Variants in POLR3B observed in about 807,000 individuals in gnomAD.
The protein encoded by POLR3B is RNA polymerase III subunit B, also known as DNA-directed RNA polymerase III subunit RPC2.
POLR3B carries 96 observed loss-of-function variants against 147.4 expected under a neutral mutation model. That is an observed-to-expected ratio of 0.65 (90% CI 0.55 to 0.77). POLR3B has a LOEUF of 0.77. Ranked by LOEUF, POLR3B falls within the 30% of genes least tolerant of loss-of-function variation. The probability of loss-of-function intolerance (pLI) is 0.00; values close to 1 mark genes in which losing one functional copy is unlikely to be tolerated. For synonymous variants in POLR3B, 461 were observed against 485.9 expected, an observed-to-expected ratio of 0.95 and a Z score of 0.67; for missense variants, 1,036 against 1,413.5, an observed-to-expected ratio of 0.73 and a Z score of 4.28.
chr12:106,395,127 G>A (rs1030463854), intron 10 of POLR3B, among the ~76,000 whole-genome samples: 2 of 152,106 alleles, frequency 1.3e-5, no homozygotes, highest in African/African-American at 4.8e-5. Context: ...AGCTGCTTGG[G>A]AGGCTGAGGC....
chr12:106,376,324 A>T, intron 6 of POLR3B, 35 bp from the exon 7 acceptor site: 1 of 1,403,080 alleles, frequency 7.1e-7, no homozygotes, highest in Non-Finnish European at 1.0e-6. Context: ...TTGACAGCCT[A>T]CATGTGATAT....
intron 23 of POLR3B, among the ~76,000 whole-genome samples, chr12:106,486,332 G>T (rs1323114411): frequency 2.0e-5 from 3 of 150,072 alleles, no homozygotes; most frequent in Admixed American, 1.3e-4. Flanking sequence ...GGAGATTGAG[G>T]TTCAGGGGAG....
chr12:106,459,212 A>T, intron 21 of POLR3B, 39 bp from the exon 22 acceptor site: 1 of 1,096,114 alleles, frequency 9.1e-7, no homozygotes, highest in Non-Finnish European at 1.4e-6. Flanking sequence ...TTCCACACAG[A>T]TGATAACGAT....
At chr12:106,462,531 T>C (rs900901104) in intron 22 of POLR3B, among the ~76,000 whole-genome samples, 4 of 152,164 alleles carry the variant, frequency 2.6e-5, no homozygotes, top group African/African-American at 9.6e-5. Flanking sequence ...TGAGCCACCG[T>C]GCCCGGCTGG....
In POLR3B at chr12:106,376,392, T is replaced by C; in HGVS notation, c.438T>C (p.Val146=). The part of the protein sequence containing the change: ...MPIMLRSSNC[V]LTGKTPAEFA... ...TAATGCTACGTAGTTCAAACTGTGT[T>C]CTTACAGGAAAAACGCCAGCAGAAT... The change falls in exon 7 of 28, where the codon GTT becomes GTC. Residue 146 remains valine (V), a synonymous_variant. Coordinates refer to ENST00000228347, the MANE Select transcript of POLR3B (RefSeq NM_018082.6). 2 of 1,613,376 alleles carry C rather than the reference T, an allele frequency of 1.2e-6. No individual in the cohort carries two copies. Among genetic ancestry groups the C allele is most frequent in the Middle Eastern group, 3.3e-4 (2 of 6,062 alleles).
rs1309676583 is a variant in POLR3B at position 106,432,494 on chromosome 12, A to G, written c.1627+14A>G. 6.2e-6 allele frequency: 10 copies of G among 1,604,002 alleles called. 2 individuals carry two copies. In the South Asian group the frequency reaches 1.1e-4, roughly 18 times the overall value. On this transcript the variant is annotated intron_variant, in intron 15 of 27. Transcript: ENST00000228347. ...TCTTTCTTAATGGTGGGTATATTAT[A>G]GAGACATGTTGGTCCTAGATAGTCT...
chr12:106,386,219 G>A (rs1466131962), intron 9 of POLR3B, among the ~76,000 whole-genome samples: 1 of 151,748 alleles, frequency 6.6e-6, no homozygotes, highest in South Asian at 2.1e-4. Flanking sequence ...GGTGGCTCAC[G>A]CCTGCCCCAG....
At chr12:106,465,156 T>G (rs2037988143) in intron 23 of POLR3B, among the ~76,000 whole-genome samples, 1 of 152,238 alleles carries the variant, frequency 6.6e-6, no homozygotes, top group Admixed American at 6.5e-5. Context: ...TCTTGACAGT[T>G]GCTGAGTCAA....
In POLR3B at chr12:106,504,183, A is replaced by G; in HGVS notation, c.3201A>G (p.Arg1067=). The G allele has an allele frequency of 6.2e-7, 1 of 1,614,072 alleles. No individual in the cohort carries two copies. The highest frequency in any genetic ancestry group is 2.2e-5 in the East Asian group (1 of 44,894). Residue 1067 remains arginine, a synonymous_variant, in exon 27 of 28, where the codon AGA becomes AGG. Transcript: ENST00000228347. This position sits in a 1 kb window ranked among gnomAD's most constrained non-coding sequence, Gnocchi z 4.6. ...GYGASMLLLE[R]LMISSDAFEV... The stretch of plus-strand genomic sequence containing the variant: ...GAGCCAGTATGCTTTTGCTAGAGAG[A>G]CTAATGATTTCAAGTGATGCCTTTG...
At chr12:106,485,399 G>A (rs927493641) in intron 23 of POLR3B, among the ~76,000 whole-genome samples, 1 of 152,074 alleles carries the variant, frequency 6.6e-6, no homozygotes, top group African/African-American at 2.4e-5. Flanking sequence ...AAGGAGTGAC[G>A]AGATCTAACT....
In POLR3B at chr12:106,504,028, CTT is replaced by C; in HGVS notation, c.3099-51_3099-50del. 1 of 1,543,998 alleles carries C rather than the reference CTT, an allele frequency of 6.5e-7. No individual in the cohort carries two copies. Among genetic ancestry groups the C allele is most frequent in the Non-Finnish European group, 9.0e-7 (1 of 1,115,942 alleles). On this transcript the variant is annotated intron_variant, in intron 26 of 27. Coordinates refer to ENST00000228347, the MANE Select transcript of POLR3B (RefSeq NM_018082.6). This position sits in a 1 kb window ranked among gnomAD's most constrained non-coding sequence, Gnocchi z 4.6. Reference sequence around the variant, plus strand: ...TCTCTGCCAGCATGTGATGCTACCTCTTTGTTTGTTTAACAGAATAATAACAC... The same window carrying C: ...TCTCTGCCAGCATGTGATGCTACCTCTGTTTGTTTAACAGAATAATAACAC...
chr12:106,361,951 C>T (rs1002210124), intron 1 of POLR3B, among the ~76,000 whole-genome samples: 2 of 152,130 alleles, frequency 1.3e-5, no homozygotes, highest in African/African-American at 4.8e-5. Flanking sequence ...TGACCTCTGT[C>T]GAGCTCTTTC....
At chr12:106,398,646 A>G (rs1287999867) in intron 10 of POLR3B, among the ~76,000 whole-genome samples, 1 of 152,186 alleles carries the variant, frequency 6.6e-6, no homozygotes, top group Non-Finnish European at 1.5e-5. Flanking sequence ...TTCCAGAGGA[A>G]CGATCAGGCA....
intron 24 of POLR3B, 83 bp downstream of exon 24, chr12:106,496,241 C>T (rs768456910): frequency 1.9e-5 from 17 of 884,564 alleles, no homozygotes; most frequent in Non-Finnish European, 2.5e-5. Flanking sequence ...GTGGAGGTGA[C>T]GAGGACTCTG....
intron 26 of POLR3B, 32 bp downstream of exon 26, chr12:106,501,468 T>G: frequency 3.2e-6 from 4 of 1,249,636 alleles, no homozygotes; most frequent in Non-Finnish European, 4.7e-6. Context: ...AAAGAATTGA[T>G]AATGCAGTCA....
At chr12:106,409,408 C>G (rs1410047128) in intron 11 of POLR3B, among the ~76,000 whole-genome samples, 1 of 117,484 alleles carries the variant, frequency 8.5e-6, no homozygotes, top group East Asian at 2.3e-4. Flanking sequence ...TTTTAAAGAC[C>G]TTCTTATTGA....
intron 18 of POLR3B, 89 bp downstream of exon 18, chr12:106,437,868 CTT>C (rs926067015): frequency 2.6e-6 from 2 of 766,144 alleles, no homozygotes; most frequent in Middle Eastern, 3.3e-4. Flanking sequence ...GTCCTTCTAT[CTT>C]TTACTCTTTT....
chr12:106,494,930 TA>T (rs750507997), intron 23 of POLR3B, among the ~76,000 whole-genome samples: 5 of 152,214 alleles, frequency 3.3e-5, no homozygotes, highest in Non-Finnish European at 5.9e-5. Flanking sequence ...CTTTTGACTT[TA>T]GCTCCTGGTG....
chr12:106,397,082 A>G (rs1251230678), intron 10 of POLR3B, among the ~76,000 whole-genome samples: 1 of 151,436 alleles, frequency 6.6e-6, no homozygotes, highest in Non-Finnish European at 1.5e-5. Context: ...CTGACATCAC[A>G]CCACTGTACT....
Sources: allele counts gnomAD v4.1 joint callset (sites outside exome capture counted in the v4.1 genomes callset), GRCh38; gene constraint gnomAD v4.1.1; non-coding constraint Gnocchi (gnomAD v3.1); transcripts MANE v1.5; gene names NCBI Gene and HGNC (gene_info 2026-07-23, HGNC 2026-07-21).